ZNRF3: variants seen among roughly 807,000 people sequenced by gnomAD.
ZNRF3 encodes the protein E3 ubiquitin-protein ligase ZNRF3.
Under a neutral mutation model 72.5 loss-of-function variants are expected in ZNRF3, and 23 were observed. That is an observed-to-expected ratio of 0.32 (90% CI 0.23 to 0.45). The LOEUF is 0.45. Among genes scored for constraint, ZNRF3 ranks in the 20% least tolerant of loss-of-function variants. ZNRF3 has a pLI of 1.00. For missense variants in ZNRF3, 1,169 were observed against 1,272.1 expected, an observed-to-expected ratio of 0.92 and a Z score of 1.23; for synonymous variants, 610 against 545.3, an observed-to-expected ratio of 1.12 and a Z score of -1.65.
At chr22:28,884,197 T>G in intron 1 of ZNRF3, 131 bp downstream of exon 1, 1 of 695,568 alleles carries the variant, frequency 1.4e-6, no homozygotes, top group Non-Finnish European at 1.8e-6. Context: ...GCCGGCGGCA[T>G]CCCTCCCCTG....
intron 1 of ZNRF3, among the ~76,000 whole-genome samples, chr22:28,977,094 G>T (rs140518004): frequency 6.6e-6 from 1 of 152,344 alleles, no homozygotes; most frequent in Non-Finnish European, 1.5e-5. Flanking sequence ...ACAGAGGAAT[G>T]AAATAGGTAT....
Position 28,929,344 on chromosome 22 carries a change from AT to A in ZNRF3, c.300+45285del, listed in dbSNP as rs377232879. Among the ~76,000 whole-genome samples, 75 of 152,138 alleles carry A rather than the reference AT, an allele frequency of 4.9e-4. 3 individuals are homozygous for A. In the South Asian group the frequency reaches 0.011, roughly 21 times the overall value. On this transcript the variant is annotated intron_variant, in intron 1 of 8. Coordinates refer to ENST00000544604, the MANE Select transcript of ZNRF3 (RefSeq NM_001206998.2). ...CACTGATGCCATTTGGAACTGGATA[AT>A]TTTTTTGTTGTGGCTCCTGTCCTGT...
At chr22:29,003,474 A>C (rs1011988803) in intron 2 of ZNRF3, among the ~76,000 whole-genome samples, 1 of 150,046 alleles carries the variant, frequency 6.7e-6, no homozygotes, top group Non-Finnish European at 1.5e-5. Flanking sequence ...AGATCGCGCC[A>C]CTGCACTCCA....
At chr22:28,964,671 G>C (rs926009420) in intron 1 of ZNRF3, among the ~76,000 whole-genome samples, 1 of 152,218 alleles carries the variant, frequency 6.6e-6, no homozygotes, top group Non-Finnish European at 1.5e-5. Context: ...CACCCCTCAG[G>C]TTCTGATGAG....
At position 29,043,309 on chromosome 22, in the gene ZNRF3, G is replaced by T. The variant is rs780845146; in HGVS notation, c.512G>T (p.Gly171Val). Residue 171 changes from glycine (G) to valine (V), a missense_variant, in exon 4 of 9, where the codon GGC becomes GTC. Around this residue, in one of 2 missense-constraint regions of ZNRF3, gnomAD observed 386 missense variants for 540.7 expected, o/e 0.71. Coordinates refer to ENST00000544604, the MANE Select transcript of ZNRF3 (RefSeq NM_001206998.2). ...TCTCTTCTTCCTTAGCTGAACCAGG[G>T]CTCTGAAGACCCGCTCAAGAGGCCG... Reference protein sequence around the residue: ...NPEAIDQLNQGSEDPLKRPVV... With the variant: ...NPEAIDQLNQVSEDPLKRPVV... 3 of 1,613,818 alleles carry T rather than the reference G, an allele frequency of 1.9e-6. No individual in the cohort carries two copies. The highest frequency in any genetic ancestry group is 1.7e-4 in the Middle Eastern group (1 of 6,056).
chr22:28,918,751 A>AC (rs2034458857), intron 1 of ZNRF3, among the ~76,000 whole-genome samples: 1 of 152,090 alleles, frequency 6.6e-6, no homozygotes, highest in African/African-American at 2.4e-5. Flanking sequence ...CTTCGTCCTA[A>AC]AGTGGCCAGC....
At chr22:28,944,449 C>T (rs759447123) in intron 1 of ZNRF3, among the ~76,000 whole-genome samples, 2 of 151,710 alleles carry the variant, frequency 1.3e-5, no homozygotes, top group Non-Finnish European at 1.5e-5. Flanking sequence ...GGTGAAACCC[C>T]GTCTCTACTG....
At position 28,884,058 on chromosome 22, in the gene ZNRF3, A is replaced by G; in HGVS notation, c.292A>G (p.Ile98Val). The change falls in exon 1 of 9, where the codon ATC becomes GTC. Residue 98 changes from isoleucine to valine, a missense_variant. Physicochemically the swap from Ile to Val is conservative, Grantham distance 29. Around this residue, in one of 2 missense-constraint regions of ZNRF3, gnomAD observed 386 missense variants for 540.7 expected, o/e 0.71. Coordinates refer to ENST00000544604, the MANE Select transcript of ZNRF3 (RefSeq NM_001206998.2). ...GGCCACGCTCAGCGCCGAGGGCGAG[A>G]TCGTGCAGGTAGCTGCCCGCCGCCC... ...AGATLSAEGE[I>V]VQMHPLGLCN... 8.0e-7 allele frequency: 1 copy of G among 1,242,266 alleles called. No homozygotes were observed. Among genetic ancestry groups the G allele is most frequent in the Non-Finnish European group, 1.0e-6 (1 of 970,932 alleles). The allele number at this position is 1,242,266 out of a possible 1,614,324, so 77.0% of individuals were successfully genotyped here.
chr22:28,952,542 G>A (rs1365883023), intron 1 of ZNRF3, among the ~76,000 whole-genome samples: 1 of 143,090 alleles, frequency 7.0e-6, no homozygotes, highest in African/African-American at 2.6e-5. Context: ...TTGTATATTA[G>A]CAACTTTGGA....
chr22:28,952,585 T>C (rs1220383430), intron 1 of ZNRF3, among the ~76,000 whole-genome samples: 1 of 151,932 alleles, frequency 6.6e-6, no homozygotes, highest in Non-Finnish European at 1.5e-5. Flanking sequence ...GAAAGCCAAG[T>C]ATAAAAGGTA....
At chr22:29,011,322 C>T (rs2036343339) in intron 2 of ZNRF3, among the ~76,000 whole-genome samples, 1 of 152,306 alleles carries the variant, frequency 6.6e-6, no homozygotes, top group South Asian at 2.1e-4. Context: ...CTACATTATT[C>T]TGTGGTCAAC....
intron 1 of ZNRF3, among the ~76,000 whole-genome samples, chr22:28,937,167 C>A: frequency 7.4e-6 from 1 of 134,340 alleles, no homozygotes; most frequent in Non-Finnish European, 1.5e-5. Context: ...ACCTACTTCT[C>A]TCTTATAATA....
At chr22:28,987,039 T>C in intron 1 of ZNRF3, 37 bp from the exon 2 acceptor site, 1 of 1,592,570 alleles carries the variant, frequency 6.3e-7, no homozygotes, top group Non-Finnish European at 8.5e-7. Context: ...AATGTGTAGC[T>C]TGCCTGCTGA....
At chr22:29,053,050 A>G (rs1468137347) in intron 8 of ZNRF3, among the ~76,000 whole-genome samples, 3 of 151,404 alleles carry the variant, frequency 2.0e-5, no homozygotes, top group African/African-American at 7.3e-5. Context: ...CTCCTGGTTC[A>G]CTCTCCTTGC....
At chr22:28,895,839 A>C (rs1467641081) in intron 1 of ZNRF3, among the ~76,000 whole-genome samples, 2 of 151,798 alleles carry the variant, frequency 1.3e-5, no homozygotes, top group Non-Finnish European at 2.9e-5. Flanking sequence ...AATTCCAGAA[A>C]ATCTTCCATG....
intron 1 of ZNRF3, among the ~76,000 whole-genome samples, chr22:28,899,032 C>T (rs1216177344): frequency 7.1e-6 from 1 of 141,738 alleles, no homozygotes; most frequent in Non-Finnish European, 1.5e-5. Flanking sequence ...TGTTGTATTT[C>T]ACTTGTGCTA....
intron 2 of ZNRF3, among the ~76,000 whole-genome samples, chr22:29,029,343 TA>T (rs1488958824): frequency 1.3e-5 from 2 of 152,362 alleles, no homozygotes; most frequent in Non-Finnish European, 2.9e-5. Context: ...TTCCTCTTCA[TA>T]AAAATAAGAA....
intron 1 of ZNRF3, among the ~76,000 whole-genome samples, chr22:28,961,314 A>G (rs1376069593): frequency 6.6e-6 from 1 of 152,212 alleles, no homozygotes; most frequent in Non-Finnish European, 1.5e-5. Context: ...ATATACATTC[A>G]AACCATAGCA....
At chr22:29,034,376 C>CTGA (rs1224825362) in intron 2 of ZNRF3, among the ~76,000 whole-genome samples, 4 of 152,178 alleles carry the variant, frequency 2.6e-5, no homozygotes, top group African/African-American at 9.7e-5. Context: ...CTGTCATATC[C>CTGA]TTCAGCCTTC....
Sources: allele counts gnomAD v4.1 joint callset (sites outside exome capture counted in the v4.1 genomes callset), GRCh38; gene constraint gnomAD v4.1.1; regional missense constraint gnomAD v4.1.1; transcripts MANE v1.5; gene names NCBI Gene and HGNC (gene_info 2026-07-23, HGNC 2026-07-21).